The following GRID2 variants were observed in gnomAD, a reference collection of about 807,000 sequenced individuals.
GRID2 encodes glutamate receptor ionotropic, delta-2.
GRID2 carries 33 observed loss-of-function variants against 114.8 expected under a neutral mutation model. The ratio of observed to expected loss-of-function variants is 0.29; its 90% CI spans 0.22 to 0.38. The LOEUF is 0.38. GRID2 is among the 10% of genes least tolerant of loss of function. GRID2 has a pLI of 1.00. For missense variants in GRID2, 1,184 were observed against 1,257.7 expected, an observed-to-expected ratio of 0.94 and a Z score of 0.89; for synonymous variants, 505 against 449.9, an observed-to-expected ratio of 1.12 and a Z score of -1.55.
intron 2 of GRID2, among the ~76,000 whole-genome samples, chr4:92,913,674 C>T (rs571453977): frequency 5.9e-4 from 89 of 151,998 alleles, no homozygotes; most frequent in Non-Finnish European, 1.0e-3. Context: ...ATTTGACTAG[C>T]TTTAGAAAAT....
At chr4:93,268,183 A>G (rs1428308036) in intron 8 of GRID2, among the ~76,000 whole-genome samples, 2 of 152,186 alleles carry the variant, frequency 1.3e-5, no homozygotes, top group Non-Finnish European at 2.9e-5. Flanking sequence ...CACAGTATCA[A>G]TCTCTACACA....
chr4:93,004,362 T>C (rs1721294568), intron 2 of GRID2, among the ~76,000 whole-genome samples: 3 of 151,972 alleles, frequency 2.0e-5, no homozygotes, highest in Admixed American at 1.3e-4. Flanking sequence ...GGTAGAGTCC[T>C]GCCTCCTTTT....
intron 2 of GRID2, among the ~76,000 whole-genome samples, chr4:92,673,333 A>G (rs1271690803): frequency 2.0e-5 from 3 of 152,216 alleles, no homozygotes; most frequent in South Asian, 2.1e-4. Flanking sequence ...CTGTTGTGCA[A>G]TTGTGGACAT....
chr4:92,701,236 A>T (rs1553918295), intron 2 of GRID2, among the ~76,000 whole-genome samples: 1 of 152,152 alleles, frequency 6.6e-6, no homozygotes, highest in Non-Finnish European at 1.5e-5. Context: ...CTAATGCATA[A>T]TAAAAACCTA....
At chr4:93,678,411 C>T (rs1033210510) in intron 14 of GRID2, among the ~76,000 whole-genome samples, 11 of 152,024 alleles carry the variant, frequency 7.2e-5, no homozygotes, top group Non-Finnish European at 1.5e-4. Context: ...CATTCAGATT[C>T]AGGAAATACA....
At chr4:92,589,392 G>A (rs891834599) in intron 1 of GRID2, among the ~76,000 whole-genome samples, 6 of 152,206 alleles carry the variant, frequency 3.9e-5, no homozygotes, top group African/African-American at 1.2e-4. Context: ...GTGACGGTCA[G>A]TATTTAAAAT....
intron 2 of GRID2, among the ~76,000 whole-genome samples, chr4:92,909,004 ATTG>A (rs891594627): frequency 6.6e-6 from 1 of 152,166 alleles, no homozygotes; most frequent in African/African-American, 2.4e-5. Context: ...ACATTAATTG[ATTG>A]TTCAATTTTC....
chr4:93,780,698 A>G (rs1342130429), intron 1 of GRID2, among the ~76,000 whole-genome samples: 3 of 152,184 alleles, frequency 2.0e-5, no homozygotes, highest in Non-Finnish European at 4.4e-5. Flanking sequence ...ACCATCAGAG[A>G]GGTACTGAAG....
intron 8 of GRID2, among the ~76,000 whole-genome samples, chr4:93,321,200 A>G (rs1757174322): frequency 6.6e-6 from 1 of 152,068 alleles, no homozygotes; most frequent in African/African-American, 2.4e-5. Context: ...TGGGAGAATA[A>G]GATTTTTAAT....
chr4:93,096,524 A>C (rs191736915), intron 3 of GRID2, among the ~76,000 whole-genome samples: 20 of 152,194 alleles, frequency 1.3e-4, no homozygotes, highest in African/African-American at 4.8e-4. Context: ...TATGAAACCA[A>C]AAACAATTTT....
intron 7 of GRID2, among the ~76,000 whole-genome samples, chr4:93,233,738 T>C (rs1034962598): frequency 6.6e-6 from 1 of 152,158 alleles, no homozygotes; most frequent in East Asian, 1.9e-4. Context: ...CCAGACTGAC[T>C]GCATGACAGA....
intron 4 of GRID2, among the ~76,000 whole-genome samples, chr4:93,118,522 G>A (rs1241829394): frequency 3.3e-5 from 5 of 152,048 alleles, no homozygotes; most frequent in Non-Finnish European, 7.4e-5. Flanking sequence ...TAAATTAAAG[G>A]CCTCTCTAGA....
intron 2 of GRID2, among the ~76,000 whole-genome samples, chr4:92,735,331 T>G (rs1736540055): frequency 6.6e-6 from 1 of 152,194 alleles, no homozygotes; most frequent in Non-Finnish European, 1.5e-5. Context: ...AAAGTTTAAT[T>G]TATAAATTAA....
intron 4 of GRID2, among the ~76,000 whole-genome samples, chr4:93,113,513 G>A (rs1466950130): frequency 6.6e-6 from 1 of 152,150 alleles, no homozygotes; most frequent in Non-Finnish European, 1.5e-5. Context: ...AGTTTAATAT[G>A]CATTGATTTA....
intron 4 of GRID2, among the ~76,000 whole-genome samples, chr4:93,127,963 G>GTGAGCTA (rs955578868): frequency 7.4e-6 from 1 of 135,126 alleles, no homozygotes; most frequent in African/African-American, 2.7e-5. Context: ...CAAGGTTATA[G>GTGAGCTA]TGAGCTATGA....
At chr4:92,549,334 C>T (rs1011796114) in intron 1 of GRID2, among the ~76,000 whole-genome samples, 1 of 152,046 alleles carries the variant, frequency 6.6e-6, no homozygotes, top group Non-Finnish European at 1.5e-5. Context: ...TATGGTTACC[C>T]TCAGGGACTA....
At chr4:92,658,439 G>A (rs1732351885) in intron 2 of GRID2, among the ~76,000 whole-genome samples, 1 of 151,746 alleles carries the variant, frequency 6.6e-6, no homozygotes, top group Admixed American at 6.6e-5. Context: ...ATTGCACAGG[G>A]AATTAGATTA....
chr4:93,772,589 T>G lies in GRID2; in HGVS notation c.*91T>G, dbSNP rs1163875722. The stretch of plus-strand genomic sequence containing the variant: ...TGTGGGACTAACATGGATGTAACGT[T>G]TAAAAAAAAGATCAGGATTATTAGT... On this transcript the variant is annotated 3_prime_UTR_variant, in exon 16 of 16. Coordinates refer to ENST00000282020, the MANE Select transcript of GRID2 (RefSeq NM_001510.4). The G allele has an allele frequency of 5.5e-6, 5 of 911,204 alleles. No homozygotes were observed. Among genetic ancestry groups the G allele is most frequent in the Admixed American group, 2.5e-5 (1 of 40,112 alleles). The allele number at this position is 911,204 out of a possible 1,614,324, so 56.4% of individuals were successfully genotyped here.
chr4:92,393,156 A>G (rs1265118742), intron 1 of GRID2, among the ~76,000 whole-genome samples: 1 of 152,134 alleles, frequency 6.6e-6, no homozygotes, highest in Non-Finnish European at 1.5e-5. Context: ...TAAAATGACT[A>G]GATCTAGTGA....
Sources: gnomAD v4.1 joint callset for allele counts (sites outside exome capture counted in the v4.1 genomes callset) on GRCh38, gnomAD v4.1.1 for gene constraint, MANE v1.5 for transcripts, NCBI Gene and HGNC (gene_info 2026-07-23, HGNC 2026-07-21) for gene names.